The following ZFYVE9 variants were observed in gnomAD, a reference collection of about 807,000 sequenced individuals.
ZFYVE9 encodes the protein zinc finger FYVE domain-containing protein 9.
ZFYVE9 carries 43 observed loss-of-function variants against 126.7 expected under a neutral mutation model. The ratio of observed to expected loss-of-function variants is 0.34; its 90% CI spans 0.27 to 0.44. The LOEUF is 0.44. ZFYVE9 is among the 20% of genes least tolerant of loss of function. ZFYVE9 has a pLI of 1.00. For synonymous variants in ZFYVE9, 521 were observed against 597.4 expected (o/e 0.87, Z 1.87); for missense variants, 1,476 against 1,697.0 (o/e 0.87, Z 2.29).
At chr1:52,144,149 G>A (rs1363108200) in intron 1 of ZFYVE9, among the ~76,000 whole-genome samples, 1 of 151,988 alleles carries the variant, frequency 6.6e-6, no homozygotes, top group South Asian at 2.1e-4. Context: ...GTGAAACCCC[G>A]TCTCTACTAA....
intron 13 of ZFYVE9, among the ~76,000 whole-genome samples, chr1:52,307,775 G>A (rs1185179345): frequency 1.4e-5 from 2 of 142,696 alleles, no homozygotes; most frequent in East Asian, 4.1e-4. Context: ...TTTCTGATAC[G>A]GAGTCTTGCT....
chr1:52,335,826 C>T (rs1646383065), intron 15 of ZFYVE9, among the ~76,000 whole-genome samples: 1 of 152,188 alleles, frequency 6.6e-6, no homozygotes, highest in Non-Finnish European at 1.5e-5. Context: ...CACTCCAAAG[C>T]TCTGTGTAAA....
chr1:52,337,968 T>A (rs748386660), intron 16 of ZFYVE9, 34 bp downstream of exon 16: 1 of 1,602,288 alleles, frequency 6.2e-7, no homozygotes, highest in South Asian at 1.1e-5. Flanking sequence ...TTGTGGCTTT[T>A]AGTTATAGGT....
chr1:52,181,419 A>T (rs1644701776), intron 1 of ZFYVE9, among the ~76,000 whole-genome samples: 1 of 152,112 alleles, frequency 6.6e-6, no homozygotes, highest in African/African-American at 2.4e-5. Flanking sequence ...CAGTGGCGTG[A>T]TCTCGGCTCG....
chr1:52,314,046 T>C (rs928226792), intron 13 of ZFYVE9, among the ~76,000 whole-genome samples: 6 of 152,154 alleles, frequency 3.9e-5, no homozygotes, highest in Non-Finnish European at 5.9e-5. Context: ...CTAAAAAATA[T>C]TTGAAGAAAC....
intron 12 of ZFYVE9, 87 bp downstream of exon 12, chr1:52,296,064 G>A: frequency 8.3e-7 from 1 of 1,203,458 alleles, no homozygotes; most frequent in Admixed American, 1.9e-5. Context: ...CTTGGTAGCT[G>A]TGCCCAAGCT....
At chr1:52,213,076 A>G (rs1645042161) in intron 1 of ZFYVE9, among the ~76,000 whole-genome samples, 1 of 152,216 alleles carries the variant, frequency 6.6e-6, no homozygotes, top group African/African-American at 2.4e-5. Context: ...AAGGCAATGA[A>G]TAAGTCATTA....
chr1:52,282,951 A>G (rs1645819171), intron 10 of ZFYVE9, among the ~76,000 whole-genome samples: 1 of 152,216 alleles, frequency 6.6e-6, no homozygotes, highest in African/African-American at 2.4e-5. Flanking sequence ...ATTATGCGTA[A>G]AAGATTGTGC....
At chr1:52,222,011 A>G (rs1645128464) in intron 2 of ZFYVE9, among the ~76,000 whole-genome samples, 2 of 152,136 alleles carry the variant, frequency 1.3e-5, no homozygotes, top group African/African-American at 4.8e-5. Flanking sequence ...CATACCTTCA[A>G]TTTGTTTGGG....
chr1:52,211,039 G>C (rs866957057), intron 1 of ZFYVE9, among the ~76,000 whole-genome samples: 8 of 152,178 alleles, frequency 5.3e-5, no homozygotes, highest in Non-Finnish European at 1.2e-4. Context: ...TCATTCACAT[G>C]TGTAGAGATT....
chr1:52,159,753 A>G (rs1314235125), intron 1 of ZFYVE9, among the ~76,000 whole-genome samples: 1 of 152,204 alleles, frequency 6.6e-6, no homozygotes, highest in Admixed American at 6.5e-5. Context: ...GCAACATGTA[A>G]TAAGCAAATG....
chr1:52,233,750 A>G (rs916815055), intron 3 of ZFYVE9, among the ~76,000 whole-genome samples: 4 of 152,228 alleles, frequency 2.6e-5, no homozygotes, highest in Non-Finnish European at 5.9e-5. Flanking sequence ...ATTCTCAAGC[A>G]TCAGTAGAAA....
At chr1:52,314,482 G>A (rs1382028930) in intron 13 of ZFYVE9, among the ~76,000 whole-genome samples, 1 of 152,182 alleles carries the variant, frequency 6.6e-6, no homozygotes, top group Non-Finnish European at 1.5e-5. Flanking sequence ...AAGAGTTCGA[G>A]ACCAAACTGG....
Position 52,268,681 on chromosome 1 carries a change from A to G in ZFYVE9, c.2625+49A>G, listed in dbSNP as rs772498569. Reference sequence around the variant, plus strand: ...AAATTGCATAGCTACTTTACTCAGCATTGTGCTGCCTCTGTTGAATTACTT... The same window carrying G: ...AAATTGCATAGCTACTTTACTCAGCGTTGTGCTGCCTCTGTTGAATTACTT... On this transcript the variant is annotated intron_variant, in intron 7 of 18. Transcript: ENST00000287727. 13 of 1,584,242 alleles carry G rather than the reference A, an allele frequency of 8.2e-6. 1 individual carries two copies. The highest frequency in any genetic ancestry group is 2.7e-5 in the African/African-American group (2 of 74,404).
intron 1 of ZFYVE9, among the ~76,000 whole-genome samples, chr1:52,209,338 G>GT (rs1645006857): frequency 6.6e-6 from 1 of 152,044 alleles, no homozygotes; most frequent in African/African-American, 2.4e-5. Context: ...TTTTTAACTG[G>GT]TTTTTAAGAT....
chr1:52,182,608 A>G (rs1644721810), intron 1 of ZFYVE9, among the ~76,000 whole-genome samples: 1 of 151,866 alleles, frequency 6.6e-6, no homozygotes, highest in African/African-American at 2.4e-5. Context: ...GGACACAAAC[A>G]CTGCGGAAGG....
chr1:52,152,353 C>G (rs1374118580), intron 1 of ZFYVE9, among the ~76,000 whole-genome samples: 1 of 152,142 alleles, frequency 6.6e-6, no homozygotes, highest in East Asian at 1.9e-4. Flanking sequence ...GTAATTAATA[C>G]CCTTTACTGA....
chr1:52,224,743 A>T (rs569491428), intron 2 of ZFYVE9, among the ~76,000 whole-genome samples: 31 of 152,030 alleles, frequency 2.0e-4, no homozygotes, highest in South Asian at 4.2e-4. Flanking sequence ...TGTCAGGGGG[A>T]ATTTTATTGT....
intron 2 of ZFYVE9, among the ~76,000 whole-genome samples, chr1:52,225,382 A>G (rs1645160891): frequency 6.6e-6 from 1 of 152,242 alleles, no homozygotes. Context: ...GTTGGAAACA[A>G]GTGCTCAGTG....
Sources: allele counts gnomAD v4.1 joint callset (sites outside exome capture counted in the v4.1 genomes callset), GRCh38; gene constraint gnomAD v4.1.1; transcripts MANE v1.5; gene names NCBI Gene and HGNC (gene_info 2026-07-23, HGNC 2026-07-21).